Variants in RSPH6A observed in about 807,000 individuals in gnomAD.
RSPH6A encodes radial spoke head 6 homolog A.
A neutral mutation model predicts 66.1 loss-of-function variants in RSPH6A; 49 were observed. That is an observed-to-expected ratio of 0.74 (90% CI 0.59 to 0.94). RSPH6A has a LOEUF of 0.94. Ranked by LOEUF, RSPH6A falls within the 40% of genes least tolerant of loss-of-function variation. The pLI, the probability that RSPH6A is intolerant of heterozygous loss-of-function variation, is 0.00. For missense variants in RSPH6A, 977 were observed against 948.3 expected, an observed-to-expected ratio of 1.03 and a Z score of -0.40; for synonymous variants, 419 against 402.4, an observed-to-expected ratio of 1.04 and a Z score of -0.49.
Position 45,814,537 on chromosome 19 carries a change from C to G in RSPH6A, c.640G>C (p.Asp214His), listed in dbSNP as rs1269758138. The part of the protein sequence containing the change: ...AYLLQTSINC[D>H]LSLYEHLVNL... ...CTAGCCCCTGCTCACAGGCTGAGGT[C>G]GCAATTGATGCTGGTCTGCAGCAGG... The change falls in exon 1 of 6, where the codon GAC becomes CAC. Residue 214 changes from aspartate to histidine, a missense_variant. Asp to His is a moderately conservative substitution (Grantham distance 81). Transcript: ENST00000221538. The G allele has an allele frequency of 2.0e-6, 3 of 1,496,870 alleles. No individual in the cohort carries two copies. The highest frequency in any genetic ancestry group is 2.7e-6 in the Non-Finnish European group (3 of 1,123,200). The allele number at this position is 1,496,870 out of a possible 1,614,324, so 92.7% of individuals were successfully genotyped here. A position where few individuals can be genotyped will look rare whatever the true frequency, so the allele number is the denominator to read the frequency against.
intron 4 of RSPH6A, among the ~76,000 whole-genome samples, chr19:45,800,788 TCTCG>T (rs1280084643): frequency 1.4e-5 from 2 of 139,520 alleles, no homozygotes; most frequent in Admixed American, 7.1e-5. Context: ...TCTCTCTCTC[TCTCG>T]CTCTCTTTTT....
rs374225783 is a variant in RSPH6A at position 45,809,734 on chromosome 19, C to T, written c.888+869G>A. ...AGGAAGCCATCCACAGAGCAAAGGCCGGGAGCAGAGACTCCTGCAGGACCC... is the reference window on the plus strand; with the variant it reads ...AGGAAGCCATCCACAGAGCAAAGGCTGGGAGCAGAGACTCCTGCAGGACCC... On this transcript the variant is annotated intron_variant, in intron 2 of 5. Coordinates refer to ENST00000221538, the MANE Select transcript of RSPH6A (RefSeq NM_030785.4). 1.1e-3 allele frequency among the ~76,000 whole-genome samples: 169 copies of T among 152,262 alleles called. 1 individual carries two copies. Among genetic ancestry groups the T allele is most frequent in the African/African-American group, 3.7e-3 (153 of 41,530 alleles).
Position 45,795,739 on chromosome 19 carries a change from A to C in RSPH6A, c.*130T>G. The C allele has an allele frequency of 1.2e-6, 1 of 808,824 alleles. No individual in the cohort carries two copies. Among genetic ancestry groups the C allele is most frequent in the Non-Finnish European group, 2.0e-6 (1 of 507,098 alleles). 50.1% of individuals were successfully genotyped at this position (808,824 alleles called of 1,614,324 possible). On this transcript the variant is annotated 3_prime_UTR_variant, in exon 6 of 6. Coordinates refer to ENST00000221538, the MANE Select transcript of RSPH6A (RefSeq NM_030785.4). ...GCCGTGGAGGAATTTTATTTGAAGC[A>C]GTTGCCTTCCTTTTCTATCCCTGCC...
chr19:45,810,840 C>T lies in RSPH6A; in HGVS notation c.651G>A (p.Leu217=). The T allele has an allele frequency of 6.2e-7, 1 of 1,604,992 alleles. No individual in the cohort carries two copies. The highest frequency in any genetic ancestry group is 8.5e-7 in the Non-Finnish European group (1 of 1,173,126). The change falls in exon 2 of 6, where the codon CTG becomes CTA. Residue 217 remains leucine (L), a splice_region_variant and synonymous_variant. Coordinates refer to ENST00000221538, the MANE Select transcript of RSPH6A (RefSeq NM_030785.4). The part of the protein sequence containing the change: ...LQTSINCDLS[L]YEHLVNLLTK... ...TCAGCAGATTCACCAGGTGCTCGTA[C>T]CTGCCTCCCGCAGGAGGAGTGGGAG...
Position 45,810,587 on chromosome 19 carries a change from T to C in RSPH6A, c.888+16A>G, listed in dbSNP as rs201494868. On this transcript the variant is annotated intron_variant, in intron 2 of 5. Transcript: ENST00000221538. ...CACTGACCCTGATGCCCACCTCTCC[T>C]GACTGGCTCACTCACCACCTCCTCC... 3.2e-5 allele frequency: 52 copies of C among 1,612,354 alleles called. No individual in the cohort carries two copies. In the East Asian group the frequency reaches 9.8e-4, roughly 30 times the overall value.
intron 5 of RSPH6A, 42 bp from the exon 6 acceptor site, chr19:45,796,148 C>T (rs371048616): frequency 7.0e-7 from 1 of 1,429,076 alleles, no homozygotes; most frequent in South Asian, 1.5e-5. Flanking sequence ...CCCTCAAAGG[C>T]CCCAGACTTG....
At position 45,814,936 on chromosome 19, in the gene RSPH6A, G is replaced by A. The variant is rs1448069188; in HGVS notation, c.241C>T (p.Arg81Trp). ...MPQVFQAEEARLGGMEYPSVN... is the reference protein window; with the variant it reads ...MPQVFQAEEAWLGGMEYPSVN... ...GATGGGTACTCCATGCCACCCAGCC[G>A]GGCTTCCTCAGCCTGGAAGACCTGG... The change falls in exon 1 of 6, where the codon CGG (arginine) becomes TGG (tryptophan). Residue 81 changes from arginine to tryptophan, a missense_variant. Transcript: ENST00000221538. 9 of 1,613,986 alleles carry A rather than the reference G, an allele frequency of 5.6e-6. No homozygotes were observed. The highest frequency in any genetic ancestry group is 3.3e-5 in the South Asian group (3 of 91,088).
Position 45,814,628 on chromosome 19 carries a change from T to G in RSPH6A, c.549A>C (p.Pro183=). The G allele has an allele frequency of 1.2e-6, 2 of 1,602,546 alleles. No homozygotes were observed. The highest frequency in any genetic ancestry group is 1.7e-6 in the Non-Finnish European group (2 of 1,174,190). The change falls in exon 1 of 6, where the codon CCA becomes CCC. Residue 183 remains proline (P), a synonymous_variant. Transcript: ENST00000221538. ...GCTCAGGCACCTGGGCACTGTAGTG[T>G]GGGAAGCCCAGCTCAGAGGGCAAGA... ...LQFLPSELGF[P]HYSAQVPEPE...
intron 4 of RSPH6A, among the ~76,000 whole-genome samples, chr19:45,801,841 C>T (rs1970478247): frequency 6.6e-6 from 1 of 151,968 alleles, no homozygotes; most frequent in Non-Finnish European, 1.5e-5. Context: ...ACACACCCAG[C>T]TCCAGTCTTT....
intron 1 of RSPH6A, among the ~76,000 whole-genome samples, chr19:45,811,405 G>A (rs1427689708): frequency 6.6e-6 from 1 of 152,088 alleles, no homozygotes; most frequent in Non-Finnish European, 1.5e-5. Flanking sequence ...GGGGCCTGGG[G>A]GTGCCAGGGA....
At chr19:45,812,454 G>A (rs955013407) in intron 1 of RSPH6A, among the ~76,000 whole-genome samples, 1 of 152,016 alleles carries the variant, frequency 6.6e-6, no homozygotes, top group Non-Finnish European at 1.5e-5. Flanking sequence ...TTTGCTTTGC[G>A]GAAGCTGTTT....
intron 2 of RSPH6A, among the ~76,000 whole-genome samples, chr19:45,806,554 C>T (rs1005613479): frequency 6.6e-6 from 1 of 150,988 alleles, no homozygotes; most frequent in Admixed American, 6.6e-5. Context: ...GCCTGTAGTC[C>T]CAGCTACTCG....
chr19:45,800,458 T>C lies in RSPH6A; in HGVS notation c.1904A>G (p.Tyr635Cys). 2 of 1,612,362 alleles carry C rather than the reference T, an allele frequency of 1.2e-6. No homozygotes were observed. The highest frequency in any genetic ancestry group is 1.7e-4 in the Middle Eastern group (1 of 6,058). The change falls in exon 5 of 6, where the codon TAT (tyrosine) becomes TGT (cysteine). Residue 635 changes from tyrosine to cysteine, a missense_variant. Coordinates refer to ENST00000221538, the MANE Select transcript of RSPH6A (RefSeq NM_030785.4). ...RSNLWPGAYAYASGKKFENIY... is the reference protein window; with the variant it reads ...RSNLWPGAYACASGKKFENIY... ...GGGGAAGACCTACTTGCCACTGGCATAGGCATAGGCCCCGGGCCAGAGGTT... is the reference window on the plus strand; with the variant it reads ...GGGGAAGACCTACTTGCCACTGGCACAGGCATAGGCCCCGGGCCAGAGGTT...
rs776253181 is a variant in RSPH6A at position 45,815,165 on chromosome 19, C to A, written c.12G>T (p.Leu4=). The stretch of plus-strand genomic sequence containing the variant: ...GGGCAGGGCGCTCAGGGTAGGGCGG[C>A]AGGTCTCCCATGGTTCGCCAGGAGG... The part of the protein sequence containing the change: MGD[L]PPYPERPAQQ... Residue 4 remains leucine (L), a synonymous_variant, in exon 1 of 6, where the codon CTG becomes CTT. Transcript: ENST00000221538. 5 of 1,603,062 alleles carry A rather than the reference C, an allele frequency of 3.1e-6. No individual in the cohort carries two copies. The African/African-American group carries it at 6.7e-5, about 21-fold the overall frequency.
chr19:45,795,914 C>T lies in RSPH6A; in HGVS notation c.2109G>A (p.Glu703=), dbSNP rs1568596101. 3 of 1,613,770 alleles carry T rather than the reference C, an allele frequency of 1.9e-6. No individual in the cohort carries two copies. Among genetic ancestry groups the T allele is most frequent in the South Asian group, 2.2e-5 (2 of 91,062 alleles). Residue 703 remains glutamate, a synonymous_variant, in exon 6 of 6, where the codon GAG becomes GAA. Transcript: ENST00000221538. ...CCTCCTCCTCCTCCTCGCCCTCCTC[C>T]TCCTCCTCTGTGGCTCCCAGGGCTT... The part of the protein sequence containing the change: ...QEQALGATEE[E]EEGEEEEEGE...
chr19:45,810,195 A>C (rs1028676315), intron 2 of RSPH6A, among the ~76,000 whole-genome samples: 4 of 151,940 alleles, frequency 2.6e-5, no homozygotes, highest in African/African-American at 7.3e-5. Flanking sequence ...TTTGAGACAG[A>C]GTCTCGCTCT....
chr19:45,814,735 G>A lies in RSPH6A; in HGVS notation c.442C>T (p.Gln148Ter). ...TGGTCTGTCTGGTAGAGGTTGAACT[G>A]GCCCAAGGGGTTGACTGGGGGCTCC... Reference protein sequence around the residue: ...FQEPPVNPLGQFNLYQTDQFS... With the variant: ...FQEPPVNPLG Residue 148 changes from glutamine (Q) to a stop codon, truncating the protein, a stop_gained, in exon 1 of 6, where the codon CAG becomes TAG. Transcript: ENST00000221538. LOFTEE classifies it high-confidence loss of function. 1 of 1,613,814 alleles carries A rather than the reference G, an allele frequency of 6.2e-7. No individual in the cohort carries two copies. Among genetic ancestry groups the A allele is most frequent in the Non-Finnish European group, 8.5e-7 (1 of 1,179,870 alleles).
chr19:45,802,344 A>G, intron 3 of RSPH6A, 80 bp from the exon 4 acceptor site: 1 of 1,251,364 alleles, frequency 8.0e-7, no homozygotes, highest in Non-Finnish European at 1.0e-6. Context: ...TGAAGGGCCA[A>G]CAGGCATAGC....
Position 45,797,422 on chromosome 19 carries a change from A to T in RSPH6A, c.1917-1316T>A, listed in dbSNP as rs546697940. Among the ~76,000 whole-genome samples the T allele has an allele frequency of 8.9e-4, 135 of 152,124 alleles. 1 individual carries two copies. Among genetic ancestry groups the T allele is most frequent in the African/African-American group, 3.2e-3 (131 of 41,512 alleles). ...AATAAGTAACTAAAAATAACAAAAA[A>T]AATTAAATTATATATGTGGCTCATA... On this transcript the variant is annotated intron_variant, in intron 5 of 5. Transcript: ENST00000221538.
Sources: gnomAD v4.1 joint callset for allele counts (sites outside exome capture counted in the v4.1 genomes callset) on GRCh38, gnomAD v4.1.1 for gene constraint, MANE v1.5 for transcripts, NCBI Gene and HGNC (gene_info 2026-07-23, HGNC 2026-07-21) for gene names.